CLYBL: variants seen among roughly 807,000 people sequenced by gnomAD.
CLYBL encodes citramalyl-CoA lyase, mitochondrial.
CLYBL carries 31 observed loss-of-function variants against 38.9 expected under a neutral mutation model. The observed-to-expected ratio is 0.80, with a 90% CI of 0.60 to 1.08. The LOEUF (loss-of-function observed/expected upper bound fraction) is 1.08, where lower values mean the gene tolerates loss of function less well. Among genes scored for constraint, CLYBL ranks in the 50% least tolerant of loss-of-function variants. The pLI, the probability that CLYBL is intolerant of heterozygous loss-of-function variation, is 0.00. For missense variants in CLYBL, 434 were observed against 411.6 expected, an observed-to-expected ratio of 1.05 and a Z score of -0.47; for synonymous variants, 171 against 158.6, an observed-to-expected ratio of 1.08 and a Z score of -0.59.
intron 6 of CLYBL, among the ~76,000 whole-genome samples, chr13:99,868,401 A>AT (rs2051804086): frequency 6.6e-6 from 1 of 152,084 alleles, no homozygotes; most frequent in African/African-American, 2.4e-5. Context: ...GGAGAAGAAA[A>AT]AGAAGGAAAG....
Position 99,704,458 on chromosome 13 carries a change from T to G in CLYBL, c.63-68366T>G, listed in dbSNP as rs185768833. ...GCCATAGGTTGATTTCCTGTAAACCTAAATCATGATTGCAAACTAATTTGG... is the reference window on the plus strand; with the variant it reads ...GCCATAGGTTGATTTCCTGTAAACCGAAATCATGATTGCAAACTAATTTGG... On this transcript the variant is annotated intron_variant, in intron 1 of 8. Coordinates refer to ENST00000339105, the MANE Select transcript of CLYBL (RefSeq NM_206808.5). Among the ~76,000 whole-genome samples, 24 of 152,366 alleles carry G rather than the reference T, an allele frequency of 1.6e-4. No individual in the cohort carries two copies. In the East Asian group the frequency reaches 4.2e-3, roughly 27 times the overall value.
Position 99,849,560 on chromosome 13 carries a change from C to T in CLYBL, c.250-9301C>T, listed in dbSNP as rs140467782. Among the ~76,000 whole-genome samples, 12 of 152,334 alleles carry T rather than the reference C, an allele frequency of 7.9e-5. No homozygotes were observed. Among genetic ancestry groups the T allele is most frequent in the Non-Finnish European group, 1.6e-4 (11 of 68,030 alleles). The stretch of plus-strand genomic sequence containing the variant: ...GTACGTCAAAGCCACACTACTGAAT[C>T]ATAAAACATCGGCAGTGCCCGCCCA... On this transcript the variant is annotated intron_variant, in intron 2 of 8. Transcript: ENST00000339105. This position sits in a 1 kb window ranked among gnomAD's most constrained non-coding sequence, Gnocchi z 4.9.
At chr13:99,807,501 C>T (rs1470819367) in intron 2 of CLYBL, among the ~76,000 whole-genome samples, 1 of 152,122 alleles carries the variant, frequency 6.6e-6, no homozygotes, top group Non-Finnish European at 1.5e-5. Context: ...AAGGAAAGAT[C>T]TTCTGATACA....
chr13:99,882,360 T>C (rs1468380375), intron 7 of CLYBL, among the ~76,000 whole-genome samples: 3 of 152,154 alleles, frequency 2.0e-5, no homozygotes, highest in Non-Finnish European at 4.4e-5. Context: ...AAAATGTCTT[T>C]GAAAATGTTT....
chr13:99,847,712 G>A (rs1388037737), intron 2 of CLYBL, among the ~76,000 whole-genome samples: 2 of 152,186 alleles, frequency 1.3e-5, no homozygotes, highest in African/African-American at 2.4e-5. Flanking sequence ...TAGCTTTGGG[G>A]CTCTGGACCC....
chr13:99,825,666 C>T (rs1566342716), intron 2 of CLYBL, among the ~76,000 whole-genome samples: 1 of 152,168 alleles, frequency 6.6e-6, no homozygotes, highest in Non-Finnish European at 1.5e-5. Context: ...TTTCCTGAGG[C>T]TCTGCACACG....
At chr13:99,794,376 C>T (rs2049979449) in intron 2 of CLYBL, among the ~76,000 whole-genome samples, 1 of 152,002 alleles carries the variant, frequency 6.6e-6, no homozygotes, top group South Asian at 2.1e-4. Context: ...GCCAAGATTG[C>T]ACCACTGCAC....
At chr13:99,813,063 C>G (rs532633947) in intron 2 of CLYBL, among the ~76,000 whole-genome samples, 4 of 152,136 alleles carry the variant, frequency 2.6e-5, no homozygotes, top group Non-Finnish European at 5.9e-5. Context: ...CTTCTTTAAT[C>G]TGGAATAGTT....
intron 2 of CLYBL, among the ~76,000 whole-genome samples, chr13:99,796,610 CA>C (rs1186654865): frequency 6.6e-6 from 1 of 152,218 alleles, no homozygotes; most frequent in Non-Finnish European, 1.5e-5. Context: ...TGCCCAAGGT[CA>C]CACAGCTAAT....
chr13:99,696,770 C>A (rs370520326), intron 1 of CLYBL, among the ~76,000 whole-genome samples: 2 of 99,608 alleles, frequency 2.0e-5, no homozygotes, highest in East Asian at 6.0e-4. Flanking sequence ...CATAGCAAGA[C>A]CCCATCTCTA....
intron 2 of CLYBL, among the ~76,000 whole-genome samples, chr13:99,791,975 C>T (rs1261387376): frequency 6.6e-6 from 1 of 152,158 alleles, no homozygotes; most frequent in Non-Finnish European, 1.5e-5. Flanking sequence ...AAAGAAAAGA[C>T]TCTAATGCCA....
rs1356412894 is a variant in CLYBL, at chr13:99,615,740, T to C, written c.62+8983T>C. Among the ~76,000 whole-genome samples the C allele has an allele frequency of 3.3e-5, 5 of 152,214 alleles. No individual in the cohort carries two copies. In the East Asian group the frequency reaches 7.7e-4, roughly 23 times the overall value. On this transcript the variant is annotated intron_variant, in intron 1 of 8. Transcript: ENST00000339105. The stretch of plus-strand genomic sequence containing the variant: ...CACTTGAATGATGCAGACTTGAGAT[T>C]CATTCCCTCCTTCTTTCCTTCCTTC...
chr13:99,709,846 A>T (rs559482334), intron 1 of CLYBL, among the ~76,000 whole-genome samples: 22 of 149,966 alleles, frequency 1.5e-4, no homozygotes, highest in Non-Finnish European at 2.7e-4. Context: ...AGTAGGAAAG[A>T]GCCTGTTGGG....
At chr13:99,746,038 A>AT (rs1265347528) in intron 1 of CLYBL, among the ~76,000 whole-genome samples, 6 of 136,304 alleles carry the variant, frequency 4.4e-5, no homozygotes, top group Non-Finnish European at 8.5e-5. Context: ...CAAAAAAAAA[A>AT]ATTTTTTTCA....
At position 99,746,608 on chromosome 13, in the gene CLYBL, G is replaced by A. The variant is rs141396990; in HGVS notation, c.63-26216G>A. On this transcript the variant is annotated intron_variant, in intron 1 of 8. Transcript: ENST00000339105. ...GAATGTTCCTCATTGGCCAGTAAGG[G>A]AACAAGTTTCTTCTTTGTTCCTTAC... Among the ~76,000 whole-genome samples, 525 of 152,268 alleles carry A rather than the reference G, an allele frequency of 3.4e-3. 4 individuals are homozygous for A. Among genetic ancestry groups the A allele is most frequent in the Middle Eastern group, 0.031 (9 of 294 alleles).
chr13:99,784,081 C>T (rs577148882), intron 2 of CLYBL: 1 of 152,246 alleles, frequency 6.6e-6, no homozygotes, highest in South Asian at 2.1e-4. Context: ...GCCAACGTTG[C>T]AGCAAGATTT....
intron 1 of CLYBL, among the ~76,000 whole-genome samples, chr13:99,770,696 G>A (rs532042085): frequency 5.9e-5 from 9 of 152,110 alleles, no homozygotes; most frequent in South Asian, 2.1e-4. Flanking sequence ...GAGCCACTGC[G>A]CCCGGCCGGG....
At chr13:99,877,638 G>A (rs749872912) in intron 7 of CLYBL, 17 of 326,512 alleles carry the variant, frequency 5.2e-5, no homozygotes, top group Admixed American at 1.3e-4. Context: ...GTGCAATGGC[G>A]TGATCTCGGC....
rs144410661 is a variant in CLYBL, at chr13:99,627,801, T to C, written c.62+21044T>C. On this transcript the variant is annotated intron_variant, in intron 1 of 8. Transcript: ENST00000339105. ...ATTGTTTTTCTCCCAGGAGAAATAA[T>C]GTTGCTACATAATCTCAGACCTGCA... Among the ~76,000 whole-genome samples the C allele has an allele frequency of 3.1e-3, 470 of 152,348 alleles. 15 individuals are homozygous for C. Among genetic ancestry groups the C allele is most frequent in the Admixed American group, 0.028 (422 of 15,304 alleles).
Sources: allele counts gnomAD v4.1 joint callset (sites outside exome capture counted in the v4.1 genomes callset), GRCh38; gene constraint gnomAD v4.1.1; non-coding constraint Gnocchi (gnomAD v3.1); transcripts MANE v1.5; gene names NCBI Gene and HGNC (gene_info 2026-07-23, HGNC 2026-07-21).